The following ARMH3 variants were observed in gnomAD, a reference collection of about 807,000 sequenced individuals.
ARMH3 encodes armadillo like helical domain containing 3.
In ARMH3, 60 loss-of-function variants were observed where a neutral mutation model predicts 99.1. That is an observed-to-expected ratio of 0.61 (90% confidence interval 0.49 to 0.75). The LOEUF (loss-of-function observed/expected upper bound fraction) is 0.75, where lower values mean the gene tolerates loss of function less well. ARMH3 is among the 30% of genes least tolerant of loss of function. The probability of loss-of-function intolerance (pLI) is 0.00; values close to 1 mark genes in which losing one functional copy is unlikely to be tolerated. For synonymous variants in ARMH3, 285 were observed against 292.8 expected, an observed-to-expected ratio of 0.97 and a Z score of 0.27; for missense variants, 679 against 843.1, an observed-to-expected ratio of 0.81 and a Z score of 2.41.
intron 25 of ARMH3, among the ~76,000 whole-genome samples, chr10:101,849,540 G>A (rs183058016): frequency 8.5e-4 from 130 of 152,298 alleles, no homozygotes; most frequent in African/African-American, 2.7e-3. Flanking sequence ...CAAACCCCAG[G>A]CCCAGCTGGA....
At position 101,957,089 on chromosome 10, in the gene ARMH3, T is replaced by C. The variant is rs994827482; in HGVS notation, c.1579-366A>G. ...ACTCTGCATGACTCTGATGTCACAT[T>C]GATAGCTTGAAATTGGCCATGGTGG... is the stretch of plus-strand genomic sequence containing the variant. On this transcript the variant is annotated intron_variant, in intron 21 of 25. Coordinates refer to ENST00000370033, the MANE Select transcript of ARMH3 (RefSeq NM_024541.3). Among the ~76,000 whole-genome samples the C allele has an allele frequency of 1.3e-4, 20 of 152,242 alleles. 1 individual carries two copies. Among genetic ancestry groups the C allele is most frequent in the Admixed American group, 6.5e-5 (1 of 15,286 alleles).
chr10:102,002,407 A>G (rs962552957), intron 14 of ARMH3, among the ~76,000 whole-genome samples: 10 of 152,010 alleles, frequency 6.6e-5, no homozygotes, highest in African/African-American at 1.9e-4. Flanking sequence ...TCTTAAAGAA[A>G]CTTCGATTTC....
At chr10:102,048,715 G>A (rs772018840) in intron 1 of ARMH3, among the ~76,000 whole-genome samples, 3 of 151,996 alleles carry the variant, frequency 2.0e-5, no homozygotes, top group African/African-American at 4.8e-5. Flanking sequence ...ATGAGCCACC[G>A]CACCCAGCTG....
chr10:101,870,231 A>G (rs1388685611), intron 24 of ARMH3, among the ~76,000 whole-genome samples: 1 of 152,252 alleles, frequency 6.6e-6, no homozygotes, highest in East Asian at 1.9e-4. Context: ...GAATTTTATG[A>G]ACGAATTATG....
At chr10:102,039,935 G>A in intron 2 of ARMH3, 78 bp downstream of exon 2, 2 of 1,338,236 alleles carry the variant, frequency 1.5e-6, no homozygotes, top group South Asian at 1.2e-5. Flanking sequence ...AAGGTAGCAG[G>A]CAGAGGTAAG....
chr10:101,951,641 C>A (rs924792001), intron 22 of ARMH3, among the ~76,000 whole-genome samples: 2 of 151,814 alleles, frequency 1.3e-5, no homozygotes, highest in African/African-American at 4.8e-5. Context: ...CTGAGGAGGG[C>A]AAATCACTTG....
At chr10:101,987,994 C>A (rs961340304) in intron 19 of ARMH3, among the ~76,000 whole-genome samples, 1 of 152,146 alleles carries the variant, frequency 6.6e-6, no homozygotes, top group African/African-American at 2.4e-5. Flanking sequence ...ATGCATATTA[C>A]CTTTATTCCT....
At chr10:102,003,276 C>T (rs893362142) in intron 14 of ARMH3, among the ~76,000 whole-genome samples, 3 of 152,030 alleles carry the variant, frequency 2.0e-5, no homozygotes, top group African/African-American at 7.2e-5. Context: ...AATTCTCCTG[C>T]CTCCGCCTCC....
chr10:101,977,939 T>C (rs1846079009), intron 19 of ARMH3, among the ~76,000 whole-genome samples: 1 of 152,152 alleles, frequency 6.6e-6, no homozygotes, highest in Admixed American at 6.5e-5. Context: ...TCTCTATAAA[T>C]TTTTCAGTCT....
At chr10:101,937,533 A>AG (rs1844042157) in intron 23 of ARMH3, among the ~76,000 whole-genome samples, 1 of 151,290 alleles carries the variant, frequency 6.6e-6, no homozygotes, top group Non-Finnish European at 1.5e-5. Context: ...AAAAAAAAAA[A>AG]AAGAAGAAGA....
chr10:101,927,436 T>C (rs891687212), intron 23 of ARMH3, among the ~76,000 whole-genome samples: 1 of 152,184 alleles, frequency 6.6e-6, no homozygotes, highest in African/African-American at 2.4e-5. Flanking sequence ...CTGCCAATCA[T>C]CCATTTCTTC....
At chr10:101,889,279 C>T (rs768577388) in intron 24 of ARMH3, 133 bp downstream of exon 24, 5 of 870,012 alleles carry the variant, frequency 5.7e-6, no homozygotes, top group African/African-American at 5.0e-5. Flanking sequence ...CAACCCCACA[C>T]TAATTCCTCT....
chr10:102,007,656 TAAAAAAAAA>T (rs961346897), intron 13 of ARMH3, among the ~76,000 whole-genome samples: 175 of 54,978 alleles, frequency 3.2e-3, no homozygotes, highest in African/African-American at 0.013. Context: ...CTGTCTCTAC[TAAAAAAAAA>T]AAAAAAAAAA....
At chr10:101,880,873 T>G (rs1358335257) in intron 24 of ARMH3, among the ~76,000 whole-genome samples, 1 of 152,154 alleles carries the variant, frequency 6.6e-6, no homozygotes, top group Non-Finnish European at 1.5e-5. Flanking sequence ...CTCTTATGAG[T>G]GCTTCGATCC....
intron 23 of ARMH3, among the ~76,000 whole-genome samples, chr10:101,937,221 G>T (rs1452045768): frequency 6.6e-6 from 1 of 152,116 alleles, no homozygotes; most frequent in Admixed American, 6.5e-5. Context: ...CTTGGACTTA[G>T]AAGACCTATG....
chr10:101,945,788 AT>A (rs1213894014), intron 22 of ARMH3, among the ~76,000 whole-genome samples: 1 of 151,856 alleles, frequency 6.6e-6, no homozygotes, highest in Non-Finnish European at 1.5e-5. Flanking sequence ...AACATTAAAA[AT>A]GTCCAGGAGG....
At chr10:101,915,149 T>A (rs1215295242) in intron 23 of ARMH3, among the ~76,000 whole-genome samples, 1 of 152,086 alleles carries the variant, frequency 6.6e-6, no homozygotes, top group African/African-American at 2.4e-5. Context: ...CTGCATTATT[T>A]ATCACACTAG....
intron 20 of ARMH3, among the ~76,000 whole-genome samples, chr10:101,973,970 T>C (rs149143766): frequency 6.6e-6 from 1 of 152,316 alleles, no homozygotes; most frequent in African/African-American, 2.4e-5. Context: ...GCAGCAATAA[T>C]AGTCCTTTAT....
chr10:101,915,734 G>C (rs1843052254), intron 23 of ARMH3, among the ~76,000 whole-genome samples: 1 of 152,082 alleles, frequency 6.6e-6, no homozygotes, highest in African/African-American at 2.4e-5. Context: ...TAAGTACAGA[G>C]GGGAGTGGAA....
Sources: gnomAD v4.1 joint callset for allele counts (sites outside exome capture counted in the v4.1 genomes callset) on GRCh38, gnomAD v4.1.1 for gene constraint, MANE v1.5 for transcripts, NCBI Gene and HGNC (gene_info 2026-07-23, HGNC 2026-07-21) for gene names.